ATG4B: variants seen among roughly 807,000 people sequenced by gnomAD.
The protein encoded by ATG4B is cysteine protease ATG4B.
In ATG4B, 29 loss-of-function variants were observed where a neutral mutation model predicts 56.6. The observed-to-expected ratio is 0.51, with a 90% CI of 0.38 to 0.70. ATG4B has a LOEUF of 0.70. Among genes scored for constraint, ATG4B ranks in the 30% least tolerant of loss-of-function variants. The pLI is 0.00. For synonymous variants in ATG4B, 224 were observed against 206.1 expected (o/e 1.09, Z -0.74); for missense variants, 461 against 515.5 (o/e 0.89, Z 1.02).
chr2:241,640,949 T>G (rs2067867489), intron 1 of ATG4B, among the ~76,000 whole-genome samples: 1 of 152,188 alleles, frequency 6.6e-6, no homozygotes, highest in Non-Finnish European at 1.5e-5. Flanking sequence ...GGCAGCCGTT[T>G]GGAAGGTTTC....
At chr2:241,648,765 G>C (rs187840886) in intron 1 of ATG4B, among the ~76,000 whole-genome samples, 1 of 152,174 alleles carries the variant, frequency 6.6e-6, no homozygotes, top group Non-Finnish European at 1.5e-5. Flanking sequence ...CCACAGCTGA[G>C]AATCCTTTAA....
At position 241,668,086 on chromosome 2, in the gene ATG4B, TG is replaced by T; in HGVS notation, c.733-51del. The stretch of plus-strand genomic sequence containing the variant: ...CCCTTGGGCCCCCTATGGCAGTGGG[TG>T]GGGGGACCGTCTGCTCCCACCTGGG... On this transcript the variant is annotated intron_variant, in intron 8 of 12. Transcript: ENST00000404914. This position sits in a 1 kb window ranked among gnomAD's most constrained non-coding sequence, Gnocchi z 4.2. The T allele has an allele frequency of 5.2e-6, 8 of 1,528,932 alleles. No homozygotes were observed. The highest frequency in any genetic ancestry group is 7.1e-6 in the Non-Finnish European group (8 of 1,129,334). 94.7% of individuals were successfully genotyped at this position (1,528,932 alleles called of 1,614,324 possible).
chr2:241,668,767 C>T lies in ATG4B; in HGVS notation c.957+82C>T, dbSNP rs984103359. ...GACGAGGAAAACTTTCGGATTTTTG[C>T]GTTTTTTTTTTCAGCATGTTGGGAT... On this transcript the variant is annotated intron_variant, in intron 10 of 12. Transcript: ENST00000404914. This position sits in a 1 kb window ranked among gnomAD's most constrained non-coding sequence, Gnocchi z 4.2. 49 of 1,442,316 alleles carry T rather than the reference C, an allele frequency of 3.4e-5. No homozygotes were observed. The highest frequency in any genetic ancestry group is 8.1e-5 in the East Asian group (3 of 36,840). The allele number at this position is 1,442,316 out of a possible 1,614,324, so 89.3% of individuals were successfully genotyped here.
rs190447585 is a variant in ATG4B, at chr2:241,656,362, C to T, written c.458+1019C>T. Among the ~76,000 whole-genome samples the T allele has an allele frequency of 2.8e-3, 431 of 152,078 alleles. 1 individual carries two copies. The highest frequency in any genetic ancestry group is 5.2e-3 in the Non-Finnish European group (356 of 67,960). On this transcript the variant is annotated intron_variant, in intron 6 of 12. Transcript: ENST00000404914. ...TGCTGCTCCCTCTGTCTCCAGGGCC[C>T]GCCCTGTGTTTGGCGTGGCACCTGC...
chr2:241,665,529 G>A (rs921677145), intron 7 of ATG4B, among the ~76,000 whole-genome samples: 1 of 152,202 alleles, frequency 6.6e-6, no homozygotes, highest in African/African-American at 2.4e-5. Context: ...ACGAGTTCAG[G>A]TCAGCTGACC....
chr2:241,645,809 C>T lies in ATG4B; in HGVS notation c.11-5201C>T, dbSNP rs189166178. On this transcript the variant is annotated intron_variant, in intron 1 of 12. Coordinates refer to ENST00000404914, the MANE Select transcript of ATG4B (RefSeq NM_013325.5). ...TGTTTTCAGAGTGTCCGCCACTAGC[C>T]CTAGGGGAATGTATGACTCGCTCCC... 1.1e-4 allele frequency among the ~76,000 whole-genome samples: 17 copies of T among 152,058 alleles called. No homozygotes were observed. The East Asian group carries it at 2.9e-3, about 26-fold the overall frequency.
intron 4 of ATG4B, among the ~76,000 whole-genome samples, chr2:241,654,009 AAAG>A (rs1160185554): frequency 0.069 from 10,154 of 147,244 alleles, 423 homozygotes; most frequent in Middle Eastern, 0.18. Flanking sequence ...AAAAAAAAAA[AAAG>A]AAGAAGAAGA....
Position 241,651,271 on chromosome 2 carries a change from C to A in ATG4B, c.120C>A (p.Asp40Glu). ...CTTTTAAACAACCTCTAGAAAAGGACGAGATCTTGTCTGATGTGGCATCTA... is the reference window on the plus strand; with the variant it reads ...CTTTTAAACAACCTCTAGAAAAGGAAGAGATCTTGTCTGATGTGGCATCTA... ...GRKYSIFTEK[D>E]EILSDVASRL... Residue 40 changes from aspartate (D) to glutamate (E), a missense_variant, in exon 3 of 13, where the codon GAC becomes GAA. By Grantham distance (45) the Asp-to-Glu change is conservative. Coordinates refer to ENST00000404914, the MANE Select transcript of ATG4B (RefSeq NM_013325.5). This position sits in a 1 kb window ranked among gnomAD's most constrained non-coding sequence, Gnocchi z 4.1. 6.3e-7 allele frequency: 1 copy of A among 1,599,236 alleles called. No individual in the cohort carries two copies. The highest frequency in any genetic ancestry group is 1.1e-5 in the South Asian group (1 of 88,418).
Position 241,668,376 on chromosome 2 carries a change from G to T in ATG4B, c.811+155G>T. The T allele has an allele frequency of 7.4e-7, 1 of 1,359,366 alleles. No individual in the cohort carries two copies. Among genetic ancestry groups the T allele is most frequent in the Non-Finnish European group, 1.0e-6 (1 of 980,506 alleles). 84.2% of individuals were successfully genotyped at this position (1,359,366 alleles called of 1,614,324 possible). Reference sequence around the variant, plus strand: ...TCAGCCTGGTCGCGGGCGGCCTCCTGTGTGCCCCTTTCCCTGATGGTCTGG... The same window carrying T: ...TCAGCCTGGTCGCGGGCGGCCTCCTTTGTGCCCCTTTCCCTGATGGTCTGG... On this transcript the variant is annotated intron_variant, in intron 9 of 12. Transcript: ENST00000404914. This position sits in a 1 kb window ranked among gnomAD's most constrained non-coding sequence, Gnocchi z 4.2.
intron 1 of ATG4B, among the ~76,000 whole-genome samples, chr2:241,649,343 C>T (rs2068160954): frequency 6.6e-6 from 1 of 152,178 alleles, no homozygotes; most frequent in Non-Finnish European, 1.5e-5. Context: ...CGAGGCTTCA[C>T]GTGATTTGTG....
chr2:241,659,452 T>A, intron 7 of ATG4B: 1 of 529,450 alleles, frequency 1.9e-6, no homozygotes. Flanking sequence ...TGGTTACAAA[T>A]CGTTTATGAA....
At chr2:241,659,289 G>C (rs1168014002) in intron 7 of ATG4B, 102 bp downstream of exon 7, 2 of 1,039,012 alleles carry the variant, frequency 1.9e-6, no homozygotes, top group Non-Finnish European at 2.9e-6. Context: ...AGTGTTGTCA[G>C]TCGCCCCATG....
intron 1 of ATG4B, among the ~76,000 whole-genome samples, chr2:241,649,964 A>G (rs2068180938): frequency 6.6e-6 from 1 of 151,920 alleles, no homozygotes. Flanking sequence ...TTGTACTTTT[A>G]GTAGAGACGG....
intron 7 of ATG4B, among the ~76,000 whole-genome samples, chr2:241,660,602 CA>C (rs1331924349): frequency 1.3e-5 from 2 of 152,058 alleles, no homozygotes. Flanking sequence ...AGGAAGAGTA[CA>C]AAGAAAGAGA....
Position 241,668,423 on chromosome 2 carries a change from C to T in ATG4B, c.812-117C>T. On this transcript the variant is annotated intron_variant, in intron 9 of 12. Coordinates refer to ENST00000404914, the MANE Select transcript of ATG4B (RefSeq NM_013325.5). This position sits in a 1 kb window ranked among gnomAD's most constrained non-coding sequence, Gnocchi z 4.2. ...CTGGTGCCCTCGGCTCCCTCCCCAC[C>T]TCCTGCCCACTGCTTCTCAGTGTGA... 1 of 1,463,936 alleles carries T rather than the reference C, an allele frequency of 6.8e-7. No homozygotes were observed. 90.7% of individuals were successfully genotyped at this position (1,463,936 alleles called of 1,614,324 possible).
In ATG4B at chr2:241,671,791, C is replaced by G. The variant is rs970421865; in HGVS notation, c.1108+386C>G. On this transcript the variant is annotated intron_variant, in intron 12 of 12. Coordinates refer to ENST00000404914, the MANE Select transcript of ATG4B (RefSeq NM_013325.5). ...CGTAGACCCCTCGGACCATGGCCAG[C>G]GTGCCGCAGGAGCCGGCCTGGGCTC... is the stretch of plus-strand genomic sequence containing the variant. The G allele has an allele frequency of 3.9e-6, 5 of 1,272,538 alleles. No individual in the cohort carries two copies. The Admixed American group carries it at 1.0e-4, about 26-fold the overall frequency. The allele number at this position is 1,272,538 out of a possible 1,614,324, so 78.8% of individuals were successfully genotyped here.
chr2:241,663,436 C>T (rs2068652765), intron 7 of ATG4B, among the ~76,000 whole-genome samples: 1 of 152,052 alleles, frequency 6.6e-6, no homozygotes. Flanking sequence ...GAAAAAAGGA[C>T]AAAACCCTGC....
In ATG4B at chr2:241,671,389, C is replaced by T. The variant is rs755979821; in HGVS notation, c.1092C>T (p.Val364=). 17 of 1,613,694 alleles carry T rather than the reference C, an allele frequency of 1.1e-5. No homozygotes were observed. In the South Asian group the frequency reaches 1.9e-4, roughly 18 times the overall value. Reference sequence around the variant, plus strand: ...CTTCACATCTGGCCTGCCCCGACGTCCTGAACCTGTCCCTAGGTGAGAGCT... The same window carrying T: ...CTTCACATCTGGCCTGCCCCGACGTTCTGAACCTGTCCCTAGGTGAGAGCT... ...LQPSHLACPD[V]LNLSLDSSDV... Residue 364 remains valine, a synonymous_variant, in exon 12 of 13, where the codon GTC becomes GTT. Coordinates refer to ENST00000404914, the MANE Select transcript of ATG4B (RefSeq NM_013325.5).
In ATG4B at chr2:241,672,281, G is replaced by T; in HGVS notation, c.*17G>T. 6.4e-7 allele frequency: 1 copy of T among 1,557,850 alleles called. No homozygotes were observed. Among genetic ancestry groups the T allele is most frequent in the Non-Finnish European group, 8.7e-7 (1 of 1,148,780 alleles). Reference sequence around the variant, plus strand: ...TCCCTTTGAAAATCCTGGGGTCGGGGGTGGCACCTGTGAGAGCCTGGGGCT... The same window carrying T: ...TCCCTTTGAAAATCCTGGGGTCGGGTGTGGCACCTGTGAGAGCCTGGGGCT... On this transcript the variant is annotated 3_prime_UTR_variant, in exon 13 of 13. Transcript: ENST00000404914.
Sources: gnomAD v4.1 joint callset for allele counts (sites outside exome capture counted in the v4.1 genomes callset) on GRCh38, gnomAD v4.1.1 for gene constraint, Gnocchi (gnomAD v3.1) non-coding constraint, MANE v1.5 for transcripts, NCBI Gene and HGNC (gene_info 2026-07-23, HGNC 2026-07-21) for gene names.